Variants in ABCC9 observed in about 807,000 individuals in gnomAD.
The protein encoded by ABCC9 is ATP binding cassette subfamily C member 9, also known as ATP-binding cassette sub-family C member 9.
Under a neutral mutation model 188.3 loss-of-function variants are expected in ABCC9, and 95 were observed. The ratio of observed to expected loss-of-function variants is 0.50; its 90% CI spans 0.43 to 0.60. The LOEUF (loss-of-function observed/expected upper bound fraction) is 0.60. ABCC9 is among the 20% of genes least tolerant of loss of function. ABCC9 has a pLI of 0.00. For missense variants in ABCC9, 1,102 were observed against 1,876.3 expected (o/e 0.59, Z 7.62); for synonymous variants, 659 against 652.7 (o/e 1.01, Z -0.15).
Position 21,800,002 on chromosome 12 carries a change from C to T in ABCC9, c.*1042G>A, listed in dbSNP as rs1278077063. ...TAAAATTAGAGCAGGAGCAAATGAT[C>T]ATGTGTGACACCATTGGGCATAAAT... is the stretch of plus-strand genomic sequence containing the variant. On this transcript the variant is annotated 3_prime_UTR_variant, in exon 40 of 40. Coordinates refer to ENST00000261200, the MANE Select transcript of ABCC9 (RefSeq NM_020297.4). 1 of 152,140 alleles carries T rather than the reference C, an allele frequency of 6.6e-6. No homozygotes were observed. The highest frequency in any genetic ancestry group is 1.5e-5 in the Non-Finnish European group (1 of 68,014). 9.4% of individuals were successfully genotyped at this position (152,140 alleles called of 1,614,324 possible). A position where few individuals can be genotyped will look rare whatever the true frequency, so the allele number is the denominator to read the frequency against.
intron 5 of ABCC9, chr12:21,923,803 C>T: frequency 1.4e-6 from 1 of 699,078 alleles, no homozygotes; most frequent in Non-Finnish European, 2.6e-6. Flanking sequence ...TGCATATAGC[C>T]ACAAAATACT....
intron 35 of ABCC9, among the ~76,000 whole-genome samples, chr12:21,813,620 T>G (rs1001888070): frequency 2.0e-5 from 3 of 152,166 alleles, no homozygotes; most frequent in African/African-American, 7.2e-5. Flanking sequence ...TGTCAGTTGA[T>G]TTTTGATCAC....
At chr12:21,914,865 T>C (rs932102207) in intron 7 of ABCC9, among the ~76,000 whole-genome samples, 8 of 151,708 alleles carry the variant, frequency 5.3e-5, no homozygotes, top group Admixed American at 2.0e-4. Flanking sequence ...AAATCTGCTC[T>C]TCCTCAACCA....
chr12:21,829,294 C>T (rs1003087524), intron 30 of ABCC9, among the ~76,000 whole-genome samples: 27 of 150,742 alleles, frequency 1.8e-4, no homozygotes, highest in Admixed American at 1.1e-3. Context: ...CTCCGCCTCC[C>T]GGGCTCACAC....
chr12:21,907,817 CT>C (rs1421381089), intron 11 of ABCC9, among the ~76,000 whole-genome samples: 7 of 151,992 alleles, frequency 4.6e-5, no homozygotes, highest in African/African-American at 1.7e-4. Context: ...GACTGAAAGC[CT>C]TATCACCTCA....
intron 32 of ABCC9, among the ~76,000 whole-genome samples, chr12:21,817,744 A>G (rs1942739496): frequency 6.6e-6 from 1 of 152,152 alleles, no homozygotes; most frequent in Admixed American, 6.6e-5. Context: ...AAACTGTCCC[A>G]TAAAGCTGGG....
chr12:21,848,047 TG>T (rs1944773365), intron 25 of ABCC9, 102 bp downstream of exon 25: 1 of 978,800 alleles, frequency 1.0e-6, no homozygotes, highest in Non-Finnish European at 1.6e-6. Context: ...TTTTTTCCCC[TG>T]GCAAAGTGGC....
In ABCC9 at chr12:21,815,664, A is replaced by G; in HGVS notation, c.4023+99T>C. 3 of 1,465,872 alleles carry G rather than the reference A, an allele frequency of 2.0e-6. No homozygotes were observed. In the South Asian group the frequency reaches 3.4e-5, roughly 17 times the overall value. 90.8% of individuals were successfully genotyped at this position (1,465,872 alleles called of 1,614,324 possible). A position where few individuals can be genotyped will look rare whatever the true frequency, so the allele number is the denominator to read the frequency against. On this transcript the variant is annotated intron_variant, in intron 34 of 39. Transcript: ENST00000261200. ...TTGACCTACATCAGGTAGGGAATAT[A>G]CTTACTTGGCTGGGAAGTATGAAGA...
chr12:21,809,699 A>C (rs1036288813), intron 37 of ABCC9, among the ~76,000 whole-genome samples, 153 bp downstream of exon 37: 19 of 152,232 alleles, frequency 1.2e-4, no homozygotes, highest in African/African-American at 4.6e-4. Flanking sequence ...CAAAAACATT[A>C]GATTTTGAAA....
At chr12:21,885,594 C>T (rs1946834226) in intron 15 of ABCC9, among the ~76,000 whole-genome samples, 1 of 152,086 alleles carries the variant, frequency 6.6e-6, no homozygotes, top group African/African-American at 2.4e-5. Context: ...TGGTTCTAAT[C>T]AAATATTTGA....
At chr12:21,871,188 TCATC>T (rs1946054167) in intron 18 of ABCC9, among the ~76,000 whole-genome samples, 1 of 152,186 alleles carries the variant, frequency 6.6e-6, no homozygotes, top group Non-Finnish European at 1.5e-5. Context: ...ATCTACTTCT[TCATC>T]CAAGATAGAA....
At chr12:21,934,852 C>A (rs1269909752) in intron 3 of ABCC9, among the ~76,000 whole-genome samples, 1 of 151,974 alleles carries the variant, frequency 6.6e-6, no homozygotes, top group Non-Finnish European at 1.5e-5. Context: ...AATGAATATT[C>A]ATGTCTTAGT....
chr12:21,904,936 C>A (rs1947957942), intron 12 of ABCC9, among the ~76,000 whole-genome samples: 3 of 152,154 alleles, frequency 2.0e-5, no homozygotes, highest in Non-Finnish European at 4.4e-5. Context: ...TGGGTATATA[C>A]CCAAAGGACT....
chr12:21,912,866 A>C lies in ABCC9; in HGVS notation c.1011+6T>G. 1 of 1,612,628 alleles carries C rather than the reference A, an allele frequency of 6.2e-7. No individual in the cohort carries two copies. The highest frequency in any genetic ancestry group is 8.5e-7 in the Non-Finnish European group (1 of 1,178,838). On this transcript the variant is annotated splice_donor_region_variant and intron_variant, in intron 8 of 39. Transcript: ENST00000261200. ...ATGTTTCCATTGAAAATCACCAGGA[A>C]CTTACTCCAGTTGTGTTATTTGTCC...
At chr12:21,936,726 C>T (rs1381231264) in intron 2 of ABCC9, 32 bp from the exon 3 acceptor site, 4 of 1,491,972 alleles carry the variant, frequency 2.7e-6, no homozygotes, top group African/African-American at 1.4e-5. Context: ...AAGAAAAATC[C>T]TCTTATTAGT....
At chr12:21,820,245 G>C (rs981464623) in intron 31 of ABCC9, among the ~76,000 whole-genome samples, 7 of 151,812 alleles carry the variant, frequency 4.6e-5, no homozygotes, top group Non-Finnish European at 7.4e-5. Flanking sequence ...TGTCTGGCTT[G>C]ACATTAAAAA....
rs75092135 is a variant in ABCC9, at chr12:21,937,269, A to G, written c.-20-575T>C. ...ATTAAAAATCAAATGCTCAAGATGA[A>G]TTAAACCTAACTCAAATGACAAGTC... On this transcript the variant is annotated intron_variant, in intron 2 of 39. Coordinates refer to ENST00000261200, the MANE Select transcript of ABCC9 (RefSeq NM_020297.4). 3.8e-3 allele frequency among the ~76,000 whole-genome samples: 572 copies of G among 152,318 alleles called. 5 individuals carry two copies. The highest frequency in any genetic ancestry group is 0.013 in the African/African-American group (528 of 41,576).
Position 21,800,972 on chromosome 12 carries a change from T to G in ABCC9, c.*72A>C. The stretch of plus-strand genomic sequence containing the variant: ...GTTTTAAGATGCCACTTTACAGAGG[T>G]CAAGCTGATGATCCATTAATTAGGT... On this transcript the variant is annotated 3_prime_UTR_variant, in exon 40 of 40. Transcript: ENST00000261200. The G allele has an allele frequency of 6.3e-7, 1 of 1,579,974 alleles. No homozygotes were observed. Among genetic ancestry groups the G allele is most frequent in the Non-Finnish European group, 8.7e-7 (1 of 1,154,420 alleles).
intron 31 of ABCC9, among the ~76,000 whole-genome samples, chr12:21,820,232 G>C (rs1484300877): frequency 6.6e-6 from 1 of 151,760 alleles, no homozygotes; most frequent in Non-Finnish European, 1.5e-5. Flanking sequence ...TTCCAGCAAG[G>C]TATGTCTGGC....
Sources: allele counts gnomAD v4.1 joint callset (sites outside exome capture counted in the v4.1 genomes callset), GRCh38; gene constraint gnomAD v4.1.1; transcripts MANE v1.5; gene names NCBI Gene and HGNC (gene_info 2026-07-23, HGNC 2026-07-21).